PEX3: variants seen among roughly 807,000 people sequenced by gnomAD.
PEX3 encodes the protein peroxisomal biogenesis factor 3, also known as peroxin-3.
In PEX3, 30 loss-of-function variants were observed where a neutral mutation model predicts 55.8. That is an observed-to-expected ratio of 0.54 (90% confidence interval 0.40 to 0.73). The LOEUF is 0.73. Ranked by LOEUF, PEX3 falls within the 30% of genes least tolerant of loss-of-function variation. The pLI is 0.00. For missense variants in PEX3, 351 were observed against 432.8 expected (o/e 0.81, Z 1.68); for synonymous variants, 135 against 148.4 (o/e 0.91, Z 0.66).
rs775444802 is a variant in PEX3, at chr6:143,471,568, T to C, written c.535T>C (p.Leu179=). The change falls in exon 7 of 12, where the codon TTG becomes CTG. Residue 179 remains leucine, a synonymous_variant. Transcript: ENST00000367591. This position sits in a 1 kb window ranked among gnomAD's most constrained non-coding sequence, Gnocchi z 5.4. Reference sequence around the variant, plus strand: ...TTTTTCTTTAATAGGCCTGACAGAATTGATCACTGTCATTAAACAAGCTGT... The same window carrying C: ...TTTTTCTTTAATAGGCCTGACAGAACTGATCACTGTCATTAAACAAGCTGT... ...QHLLGDGLTE[L]ITVIKQAVQK... is the part of the protein sequence containing the mutation. The C allele has an allele frequency of 6.2e-7, 1 of 1,611,642 alleles. No individual in the cohort carries two copies. The highest frequency in any genetic ancestry group is 1.3e-5 in the African/African-American group (1 of 74,892).
At position 143,488,377 on chromosome 6, in the gene PEX3, T is replaced by G. The variant is rs1780346116; in HGVS notation, c.1039-766T>G. The stretch of plus-strand genomic sequence containing the variant: ...ATAATATTATAAAGGAAACCAATCA[T>G]ATATAGTTTTCAAAATTTCTTTTAA... On this transcript the variant is annotated intron_variant, in intron 11 of 11. Transcript: ENST00000367591. The surrounding 1 kb of genome is among the most constrained non-coding windows in gnomAD (Gnocchi z 4.9). Among the ~76,000 whole-genome samples the G allele has an allele frequency of 6.6e-6, 1 of 152,108 alleles. No homozygotes were observed. Among genetic ancestry groups the G allele is most frequent in the African/African-American group, 2.4e-5 (1 of 41,444 alleles).
intron 10 of PEX3, among the ~76,000 whole-genome samples, chr6:143,480,967 G>T (rs1440426152): frequency 6.6e-6 from 1 of 152,096 alleles, no homozygotes; most frequent in Non-Finnish European, 1.5e-5. Flanking sequence ...AGCTGTGATT[G>T]TGCTACTGCA....
rs1370213155 is a variant in PEX3, at chr6:143,490,544, T to G, written c.*1318T>G. On this transcript the variant is annotated 3_prime_UTR_variant, in exon 12 of 12. Transcript: ENST00000367591. The surrounding 1 kb of genome is among the most constrained non-coding windows in gnomAD (Gnocchi z 6.0). ...CTGTGCCACTCACATATGCTAATCTTGGCAAATCTGCCAAGCATGTCTTCA... is the reference window on the plus strand; with the variant it reads ...CTGTGCCACTCACATATGCTAATCTGGGCAAATCTGCCAAGCATGTCTTCA... The G allele has an allele frequency of 2.2e-6, 1 of 445,388 alleles. No homozygotes were observed. The highest frequency in any genetic ancestry group is 3.8e-6 in the Non-Finnish European group (1 of 262,882). 27.6% of individuals were successfully genotyped at this position (445,388 alleles called of 1,614,324 possible).
At chr6:143,478,806 G>A (rs773247892) in intron 9 of PEX3, among the ~76,000 whole-genome samples, 3 of 151,964 alleles carry the variant, frequency 2.0e-5, no homozygotes, top group African/African-American at 7.3e-5. Flanking sequence ...CTCAAAATTA[G>A]TAGTACTAGT....
Position 143,459,396 on chromosome 6 carries a change from T to C in PEX3, c.205+180T>C, listed in dbSNP as rs563921419. Among the ~76,000 whole-genome samples, 1 of 152,336 alleles carries C rather than the reference T, an allele frequency of 6.6e-6. No homozygotes were observed. The highest frequency in any genetic ancestry group is 2.4e-5 in the African/African-American group (1 of 41,576). ...GAATTTTAAAAATCAGTTCATTCAT[T>C]TTATTTATTCATTTAGCAAATACTT... On this transcript the variant is annotated intron_variant, in intron 2 of 11. Transcript: ENST00000367591. The surrounding 1 kb of genome is among the most constrained non-coding windows in gnomAD (Gnocchi z 4.2).
intron 10 of PEX3, among the ~76,000 whole-genome samples, chr6:143,484,264 A>T (rs1422037024): frequency 6.6e-6 from 1 of 152,146 alleles, no homozygotes; most frequent in Non-Finnish European, 1.5e-5. Context: ...TTGTGCTCTA[A>T]CAAGTTAAAA....
In PEX3 at chr6:143,465,462, T is replaced by C. The variant is rs1015162879; in HGVS notation, c.287+2465T>C. Among the ~76,000 whole-genome samples the C allele has an allele frequency of 5.9e-5, 9 of 152,030 alleles. No homozygotes were observed. The highest frequency in any genetic ancestry group is 1.2e-4 in the Non-Finnish European group (8 of 67,920). On this transcript the variant is annotated intron_variant, in intron 3 of 11. Transcript: ENST00000367591. This position sits in a 1 kb window ranked among gnomAD's most constrained non-coding sequence, Gnocchi z 4.7. The stretch of plus-strand genomic sequence containing the variant: ...TTTTTTTTTAGATAGAGTCTTACTC[T>C]GTCGCCCAAGCTGGAGTACAGTGGC...
chr6:143,471,382 G>T lies in PEX3; in HGVS notation c.457-1G>T. 1 of 1,596,228 alleles carries T rather than the reference G, an allele frequency of 6.3e-7. No individual in the cohort carries two copies. Among genetic ancestry groups the T allele is most frequent in the Non-Finnish European group, 8.6e-7 (1 of 1,164,252 alleles). On this transcript the variant is annotated splice_acceptor_variant, in intron 5 of 11. Coordinates refer to ENST00000367591, the MANE Select transcript of PEX3 (RefSeq NM_003630.3). LOFTEE classifies it high-confidence loss of function. The surrounding 1 kb of genome is among the most constrained non-coding windows in gnomAD (Gnocchi z 5.4). ...TTGAACTGTATTTCTGTTTTATACA[G>T]ACAATTCTTGCTCCCCCAGATGTCC...
Position 143,475,652 on chromosome 6 carries a change from TCAAA to T in PEX3, c.818+805_818+808del, listed in dbSNP as rs1430017809. ...CTGGGCAACAGAGTAAGATCCTGTC[TCAAA>T]CAAACAAAACAAAACAAAAAAGGCC... On this transcript the variant is annotated intron_variant, in intron 9 of 11. Transcript: ENST00000367591. This position sits in a 1 kb window ranked among gnomAD's most constrained non-coding sequence, Gnocchi z 4.4. 6.6e-6 allele frequency among the ~76,000 whole-genome samples: 1 copy of T among 152,156 alleles called. No individual in the cohort carries two copies. The highest frequency in any genetic ancestry group is 1.5e-5 in the Non-Finnish European group (1 of 68,014).
Position 143,488,888 on chromosome 6 carries a change from T to C in PEX3, c.1039-255T>C, listed in dbSNP as rs1481856213. Among the ~76,000 whole-genome samples the C allele has an allele frequency of 6.6e-6, 1 of 152,132 alleles. No homozygotes were observed. Among genetic ancestry groups the C allele is most frequent in the African/African-American group, 2.4e-5 (1 of 41,452 alleles). ...GCACTTGACATACACCAAAATTCATTTGAAGACTATTTGGGGTTTTTGTCC... is the reference window on the plus strand; with the variant it reads ...GCACTTGACATACACCAAAATTCATCTGAAGACTATTTGGGGTTTTTGTCC... On this transcript the variant is annotated intron_variant, in intron 11 of 11. Transcript: ENST00000367591. The surrounding 1 kb of genome is among the most constrained non-coding windows in gnomAD (Gnocchi z 4.9).
At position 143,472,875 on chromosome 6, in the gene PEX3, A is replaced by G. The variant is rs1254119200; in HGVS notation, c.747+547A>G. On this transcript the variant is annotated intron_variant, in intron 8 of 11. Coordinates refer to ENST00000367591, the MANE Select transcript of PEX3 (RefSeq NM_003630.3). ...TGAGGAGGTTATAGTCATCCACTTG[A>G]GAAACAATGTCTAATCCAAAAATTA... is the stretch of plus-strand genomic sequence containing the variant. Among the ~76,000 whole-genome samples, 6 of 152,352 alleles carry G rather than the reference A, an allele frequency of 3.9e-5. No individual in the cohort carries two copies. The East Asian group carries it at 1.2e-3, about 29-fold the overall frequency.
In PEX3 at chr6:143,453,667, T is replaced by C. The variant is rs1779805333; in HGVS notation, c.73+2552T>C. Among the ~76,000 whole-genome samples the C allele has an allele frequency of 6.6e-6, 1 of 152,098 alleles. No individual in the cohort carries two copies. The highest frequency in any genetic ancestry group is 2.4e-5 in the African/African-American group (1 of 41,416). On this transcript the variant is annotated intron_variant, in intron 1 of 11. Coordinates refer to ENST00000367591, the MANE Select transcript of PEX3 (RefSeq NM_003630.3). The surrounding 1 kb of genome is among the most constrained non-coding windows in gnomAD (Gnocchi z 4.6). The stretch of plus-strand genomic sequence containing the variant: ...AGATTTGCCTGACATCTTCACACTT[T>C]CCTCACTCATGCGATCCTCTCACCT...
Position 143,459,086 on chromosome 6 carries a change from A to C in PEX3, c.75A>C (p.Gly25=). ...KCIFLGTVLG[G]VYILGKYGQK... ...ATAGTACTTTTTTAATGATTGTAGG[A>C]GTATATATTCTGGGGAAATATGGAC... Residue 25 remains glycine (G), a splice_region_variant and synonymous_variant, in exon 2 of 12, where the codon GGA becomes GGC. Coordinates refer to ENST00000367591, the MANE Select transcript of PEX3 (RefSeq NM_003630.3). This position sits in a 1 kb window ranked among gnomAD's most constrained non-coding sequence, Gnocchi z 4.2. The C allele has an allele frequency of 6.3e-7, 1 of 1,579,658 alleles. No homozygotes were observed. The highest frequency in any genetic ancestry group is 8.7e-7 in the Non-Finnish European group (1 of 1,148,644).
rs960654263 is a variant in PEX3 at position 143,475,028 on chromosome 6, A to C, written c.818+172A>C. Among the ~76,000 whole-genome samples, 5 of 152,204 alleles carry C rather than the reference A, an allele frequency of 3.3e-5. No homozygotes were observed. The highest frequency in any genetic ancestry group is 1.2e-4 in the African/African-American group (5 of 41,450). On this transcript the variant is annotated intron_variant, in intron 9 of 11. Coordinates refer to ENST00000367591, the MANE Select transcript of PEX3 (RefSeq NM_003630.3). This position sits in a 1 kb window ranked among gnomAD's most constrained non-coding sequence, Gnocchi z 4.4. ...TTTCCTACTCAAACTGGAGGGAAGC[A>C]GGGATTTCTTAGGGTAACTCAGCTA...
At position 143,451,093 on chromosome 6, in the gene PEX3, C is replaced by T. The variant is rs367803197; in HGVS notation, c.51C>T (p.Ile17=). Reference sequence around the variant, plus strand: ...TGAAACGCCACAAAAAGAAATGCATCTTCCTGGGCACGGTCCTTGGAGGTG... The same window carrying T: ...TGAAACGCCACAAAAAGAAATGCATTTTCCTGGGCACGGTCCTTGGAGGTG... The part of the protein sequence containing the change: ...NFLKRHKKKC[I]FLGTVLGGVY... The change falls in exon 1 of 12, where the codon ATC becomes ATT. Residue 17 remains isoleucine (I), a synonymous_variant. Transcript: ENST00000367591. The surrounding 1 kb of genome is among the most constrained non-coding windows in gnomAD (Gnocchi z 4.1). The T allele has an allele frequency of 9.9e-6, 16 of 1,613,228 alleles. No homozygotes were observed. Among genetic ancestry groups the T allele is most frequent in the Non-Finnish European group, 1.2e-5 (14 of 1,179,320 alleles).
Position 143,483,149 on chromosome 6 carries a change from G to A in PEX3, c.942-2003G>A, listed in dbSNP as rs1285801095. The stretch of plus-strand genomic sequence containing the variant: ...TCTTTCTTAGAAAATGTGCATCAAA[G>A]ACACAGATAATTCACAAAAGAGCAG... On this transcript the variant is annotated intron_variant, in intron 10 of 11. Transcript: ENST00000367591. This position sits in a 1 kb window ranked among gnomAD's most constrained non-coding sequence, Gnocchi z 4.3. Among the ~76,000 whole-genome samples, 2 of 152,052 alleles carry A rather than the reference G, an allele frequency of 1.3e-5. No individual in the cohort carries two copies. Among genetic ancestry groups the A allele is most frequent in the East Asian group, 3.9e-4 (2 of 5,184 alleles).
Position 143,486,199 on chromosome 6 carries a change from G to A in PEX3, c.1038+951G>A, listed in dbSNP as rs1057025150. Among the ~76,000 whole-genome samples, 2 of 152,096 alleles carry A rather than the reference G, an allele frequency of 1.3e-5. No homozygotes were observed. The highest frequency in any genetic ancestry group is 2.9e-5 in the Non-Finnish European group (2 of 68,018). ...AGAGCTTGGCACTCATATTGCAGAAGAAATAGTGAATAAGACTGATCTCAT... is the reference window on the plus strand; with the variant it reads ...AGAGCTTGGCACTCATATTGCAGAAAAAATAGTGAATAAGACTGATCTCAT... On this transcript the variant is annotated intron_variant, in intron 11 of 11. Transcript: ENST00000367591. This position sits in a 1 kb window ranked among gnomAD's most constrained non-coding sequence, Gnocchi z 5.0.
rs1422353767 is a variant in PEX3, at chr6:143,475,466, A to G, written c.818+610A>G. Among the ~76,000 whole-genome samples the G allele has an allele frequency of 3.9e-5, 6 of 152,166 alleles. No homozygotes were observed. The highest frequency in any genetic ancestry group is 1.4e-4 in the African/African-American group (6 of 41,430). On this transcript the variant is annotated intron_variant, in intron 9 of 11. Coordinates refer to ENST00000367591, the MANE Select transcript of PEX3 (RefSeq NM_003630.3). This position sits in a 1 kb window ranked among gnomAD's most constrained non-coding sequence, Gnocchi z 4.4. ...TAGGAGTTCAAGACCAGCCTGGGTAACATGGCAAAAACCCCATCTTAAACA... is the reference window on the plus strand; with the variant it reads ...TAGGAGTTCAAGACCAGCCTGGGTAGCATGGCAAAAACCCCATCTTAAACA...
Position 143,490,520 on chromosome 6 carries a change from T to G in PEX3, c.*1294T>G, listed in dbSNP as rs531284480. On this transcript the variant is annotated 3_prime_UTR_variant, in exon 12 of 12. Transcript: ENST00000367591. The surrounding 1 kb of genome is among the most constrained non-coding windows in gnomAD (Gnocchi z 6.0). ...GCATTGTCTCTGAGCAGAAGATGGC[T>G]GTGCCACTCACATATGCTAATCTTG... 3 of 341,298 alleles carry G rather than the reference T, an allele frequency of 8.8e-6. No individual in the cohort carries two copies. The East Asian group carries it at 3.0e-4, about 34-fold the overall frequency. The allele number at this position is 341,298 out of a possible 1,614,324, so 21.1% of individuals were successfully genotyped here. A position where few individuals can be genotyped will look rare whatever the true frequency, so the allele number is the denominator to read the frequency against.
Sources: gnomAD v4.1 joint callset for allele counts (sites outside exome capture counted in the v4.1 genomes callset) on GRCh38, gnomAD v4.1.1 for gene constraint, Gnocchi (gnomAD v3.1) non-coding constraint, MANE v1.5 for transcripts, NCBI Gene and HGNC (gene_info 2026-07-23, HGNC 2026-07-21) for gene names.